TMEM154: variants seen among roughly 807,000 people sequenced by gnomAD.
TMEM154 encodes transmembrane protein 154.
TMEM154 carries 27 observed loss-of-function variants against 24.5 expected under a neutral mutation model. The ratio of observed to expected loss-of-function variants is 1.10; its 90% CI spans 0.81 to 1.52. TMEM154 has a LOEUF of 1.52. TMEM154 is among the 40% of genes most tolerant of loss of function. TMEM154 has a pLI of 0.00. For missense variants in TMEM154, 228 were observed against 213.4 expected, an observed-to-expected ratio of 1.07 and a Z score of -0.43; for synonymous variants, 67 against 76.8, an observed-to-expected ratio of 0.87 and a Z score of 0.67.
Position 152,652,893 on chromosome 4 carries a change from TG to T in TMEM154, c.98del (p.Thr33LysfsTer11), listed in dbSNP as rs1234458660. On this transcript the variant is annotated frameshift_variant, in exon 2 of 7. Coordinates refer to ENST00000304385, the MANE Select transcript of TMEM154 (RefSeq NM_152680.3). LOFTEE classifies it high-confidence loss of function. ...TATTTGGTCTTTCAGATTCCACAGTTGTATCTCCTGAGTTTTCTAATTCCTC... is the reference window on the plus strand; with the variant it reads ...TATTTGGTCTTTCAGATTCCACAGTTTATCTCCTGAGTTTTCTAATTCCTC... ...NYEELENSGD[T>X]TVESERPNKV... The T allele has an allele frequency of 6.2e-7, 1 of 1,611,696 alleles. No homozygotes were observed. The highest frequency in any genetic ancestry group is 8.5e-7 in the Non-Finnish European group (1 of 1,179,180).
chr4:152,677,711 C>T (rs1466854914), intron 1 of TMEM154, among the ~76,000 whole-genome samples: 2 of 152,216 alleles, frequency 1.3e-5, no homozygotes, highest in Non-Finnish European at 2.9e-5. Context: ...TGAAATGCAA[C>T]TTTTCATCTT....
chr4:152,647,720 C>T (rs144902540), intron 3 of TMEM154, among the ~76,000 whole-genome samples: 6 of 152,176 alleles, frequency 3.9e-5, no homozygotes, highest in South Asian at 2.1e-4. Flanking sequence ...TTGGGCTAGG[C>T]GTTGAGTTAG....
At chr4:152,663,185 C>T (rs150233702) in intron 1 of TMEM154, among the ~76,000 whole-genome samples, 1 of 152,340 alleles carries the variant, frequency 6.6e-6, no homozygotes, top group African/African-American at 2.4e-5. Flanking sequence ...TTTCTTCATC[C>T]ATCACCTGTT....
intron 6 of TMEM154, among the ~76,000 whole-genome samples, chr4:152,638,364 T>G (rs972095426): frequency 3.9e-5 from 6 of 152,236 alleles, no homozygotes; most frequent in African/African-American, 1.4e-4. Flanking sequence ...TAAGGAGAAC[T>G]GAAAGTCTCA....
chr4:152,638,910 G>A lies in TMEM154; in HGVS notation c.536+2018C>T, dbSNP rs144229546. Among the ~76,000 whole-genome samples, 30 of 152,146 alleles carry A rather than the reference G, an allele frequency of 2.0e-4. No individual in the cohort carries two copies. In the East Asian group the frequency reaches 5.4e-3, roughly 27 times the overall value. ...CCTTTTAAAACAATCATTTAACTAT[G>A]TGAAGGCTCTAGCTCATTTTCTCAT... is the stretch of plus-strand genomic sequence containing the variant. On this transcript the variant is annotated intron_variant, in intron 6 of 6. Transcript: ENST00000304385.
chr4:152,626,507 C>T lies in TMEM154; in HGVS notation c.*2039G>A, dbSNP rs561069656. ...GAATAAACTATCTTTTTAAAAAGTG[C>T]TTTGTACACTGCACAATTATAGCTT... is the stretch of plus-strand genomic sequence containing the variant. On this transcript the variant is annotated 3_prime_UTR_variant, in exon 7 of 7. Transcript: ENST00000304385. The T allele has an allele frequency of 2.0e-5, 3 of 152,268 alleles. No homozygotes were observed. The South Asian group carries it at 6.2e-4, about 32-fold the overall frequency. The allele number at this position is 152,268 out of a possible 1,614,324, so 9.4% of individuals were successfully genotyped here. A position where few individuals can be genotyped will look rare whatever the true frequency, so the allele number is the denominator to read the frequency against.
At chr4:152,669,754 G>A (rs1268996644) in intron 1 of TMEM154, 1 of 152,206 alleles carries the variant, frequency 6.6e-6, no homozygotes, top group Non-Finnish European at 1.5e-5. Context: ...TTACAGTGTA[G>A]TGTGAAGTAG....
chr4:152,635,279 C>G (rs772021779), intron 6 of TMEM154, among the ~76,000 whole-genome samples: 3 of 152,082 alleles, frequency 2.0e-5, no homozygotes, highest in Non-Finnish European at 2.9e-5. Context: ...TCTTCTTTTT[C>G]TAATCTATAA....
intron 6 of TMEM154, among the ~76,000 whole-genome samples, chr4:152,628,813 T>A (rs1184905513): frequency 1.4e-5 from 2 of 139,034 alleles, no homozygotes; most frequent in Non-Finnish European, 3.2e-5. Flanking sequence ...ATTTTTTGTA[T>A]TTTTTTTTTT....
intron 3 of TMEM154, among the ~76,000 whole-genome samples, chr4:152,652,330 C>A (rs1579522773): frequency 6.9e-6 from 1 of 144,248 alleles, no homozygotes; most frequent in South Asian, 2.2e-4. Context: ...TGCAACCAAA[C>A]AAGGCGTGCC....
chr4:152,671,383 A>G (rs769812625), intron 1 of TMEM154, among the ~76,000 whole-genome samples: 13 of 152,174 alleles, frequency 8.5e-5, no homozygotes, highest in Non-Finnish European at 1.6e-4. Context: ...TTGCAGAACC[A>G]TCACTCTGGA....
rs1246527180 is a variant in TMEM154 at position 152,621,032 on chromosome 4, T to A, written c.*7514A>T. 6.6e-6 allele frequency: 1 copy of A among 152,276 alleles called. No homozygotes were observed. Among genetic ancestry groups the A allele is most frequent in the Non-Finnish European group, 1.5e-5 (1 of 68,056 alleles). The allele number at this position is 152,276 out of a possible 1,614,324, so 9.4% of individuals were successfully genotyped here. A position where few individuals can be genotyped will look rare whatever the true frequency, so the allele number is the denominator to read the frequency against. Reference sequence around the variant, plus strand: ...AGATACCCAATATTCTTCCACCACTTTGTGAGACAGAATCCCTTATTGTTG... The same window carrying A: ...AGATACCCAATATTCTTCCACCACTATGTGAGACAGAATCCCTTATTGTTG... On this transcript the variant is annotated 3_prime_UTR_variant, in exon 7 of 7. Coordinates refer to ENST00000304385, the MANE Select transcript of TMEM154 (RefSeq NM_152680.3).
At chr4:152,656,897 G>A (rs1365561811) in intron 1 of TMEM154, among the ~76,000 whole-genome samples, 2 of 151,884 alleles carry the variant, frequency 1.3e-5, no homozygotes, top group South Asian at 2.1e-4. Context: ...CTCCAGCCAT[G>A]AGAGGATACA....
chr4:152,674,849 G>A (rs1014244058), intron 1 of TMEM154, among the ~76,000 whole-genome samples: 14 of 152,078 alleles, frequency 9.2e-5, no homozygotes, highest in Admixed American at 3.3e-4. Context: ...GGGCCCCCAC[G>A]ATTTCCATCA....
Position 152,628,564 on chromosome 4 carries a change from G to GCAAA in TMEM154, c.537-4_537-3insTTTG, listed in dbSNP as rs1751958836. On this transcript the variant is annotated splice_region_variant and splice_polypyrimidine_tract_variant and intron_variant, in intron 6 of 6. Transcript: ENST00000304385. ...TTCAGGTTTAGGATTCACTGTCACT[G>GCAAA]TAAAAAAAAAAAAAAAAAAAAAAAA... 4.1e-6 allele frequency: 1 copy of GCAAA among 245,810 alleles called. No individual in the cohort carries two copies. 15.2% of individuals were successfully genotyped at this position (245,810 alleles called of 1,614,324 possible).
chr4:152,633,227 C>A (rs1196350110), intron 6 of TMEM154, among the ~76,000 whole-genome samples: 10 of 152,206 alleles, frequency 6.6e-5, no homozygotes, highest in Admixed American at 5.2e-4. Context: ...TGCCACAGCT[C>A]TGTGGACCGT....
intron 1 of TMEM154, among the ~76,000 whole-genome samples, chr4:152,667,911 C>T (rs1310605494): frequency 4.6e-5 from 7 of 152,226 alleles, no homozygotes; most frequent in African/African-American, 1.7e-4. Flanking sequence ...TGTATTTTTA[C>T]CTCCTTGAAT....
intron 3 of TMEM154, 32 bp downstream of exon 3, chr4:152,652,506 C>A (rs372908393): frequency 1.2e-6 from 2 of 1,611,950 alleles, no homozygotes; most frequent in African/African-American, 1.3e-5. Flanking sequence ...ATCCCACCCC[C>A]ACCTGTAGGC....
At chr4:152,646,688 T>TC in intron 3 of TMEM154, 1 of 407,578 alleles carries the variant, frequency 2.5e-6, no homozygotes. Flanking sequence ...CAGTTCCTAC[T>TC]TCCCCCCCAC....
Sources: gnomAD v4.1 joint callset for allele counts (sites outside exome capture counted in the v4.1 genomes callset) on GRCh38, gnomAD v4.1.1 for gene constraint, MANE v1.5 for transcripts, NCBI Gene and HGNC (gene_info 2026-07-23, HGNC 2026-07-21) for gene names.